CRACDL: variants seen among roughly 807,000 people sequenced by gnomAD.
CRACDL encodes the protein CRACD-like protein.
CRACDL carries 26 observed loss-of-function variants against 70.6 expected under a neutral mutation model. The observed-to-expected ratio is 0.37, with a 90% CI of 0.27 to 0.51. The LOEUF is 0.51. Ranked by LOEUF, CRACDL falls within the 20% of genes least tolerant of loss-of-function variation. CRACDL has a pLI of 0.94. For missense variants in CRACDL, 1,283 were observed against 1,376.9 expected (o/e 0.93, Z 1.08); for synonymous variants, 618 against 615.2 (o/e 1.00, Z -0.07).
chr2:98,799,421 C>T (rs1172282830), intron 7 of CRACDL, among the ~76,000 whole-genome samples: 1 of 152,102 alleles, frequency 6.6e-6, no homozygotes, highest in Non-Finnish European at 1.5e-5. Flanking sequence ...ACAGCCAGGA[C>T]CTCCCCTGGC....
At position 98,822,541 on chromosome 2, in the gene CRACDL, A is replaced by C. The variant is rs946817623; in HGVS notation, c.1732T>G (p.Ser578Ala). The C allele has an allele frequency of 1.4e-6, 2 of 1,466,862 alleles. No homozygotes were observed. The highest frequency in any genetic ancestry group is 1.8e-6 in the Non-Finnish European group (2 of 1,117,160). 90.9% of individuals were successfully genotyped at this position (1,466,862 alleles called of 1,614,324 possible). Reference protein sequence around the residue: ...LRGAKKFSVSSCRARPRPGVS... With the variant: ...LRGAKKFSVSACRARPRPGVS... The stretch of plus-strand genomic sequence containing the variant: ...CCCGGACGAGGCCGCGCTCGGCACG[A>C]GGACACCGAGAACTTCTTCGCGCCT... Residue 578 changes from serine (S) to alanine (A), a missense_variant, in exon 7 of 10, where the codon TCG becomes GCG. By Grantham distance (99) the Ser-to-Ala change is moderately conservative. This residue lies in a region of CRACDL where 921 missense variants were observed against 881.9 expected (regional missense o/e 1.04). Coordinates refer to ENST00000397899, the MANE Select transcript of CRACDL (RefSeq NM_207362.3). The surrounding 1 kb of genome is among the most constrained non-coding windows in gnomAD (Gnocchi z 4.9).
chr2:98,825,039 T>G (rs1319149608), intron 6 of CRACDL, among the ~76,000 whole-genome samples: 7 of 152,206 alleles, frequency 4.6e-5, no homozygotes, highest in Non-Finnish European at 8.8e-5. Context: ...TGGCTGTTCT[T>G]TCCCATCCTG....
chr2:98,832,992 G>A lies in CRACDL; in HGVS notation c.245C>T (p.Ser82Leu), dbSNP rs61731202. 1.2e-6 allele frequency: 2 copies of A among 1,612,114 alleles called. No homozygotes were observed. The change falls in exon 4 of 10, where the codon TCG (serine) becomes TTG (leucine). Residue 82 changes from serine (S) to leucine (L), a missense_variant. Physicochemically the swap from Ser to Leu is moderately radical, Grantham distance 145. Around this residue, in one of 2 missense-constraint regions of CRACDL, gnomAD observed 362 missense variants for 495.0 expected, o/e 0.73. Coordinates refer to ENST00000397899, the MANE Select transcript of CRACDL (RefSeq NM_207362.3). ...GYDSEDELEE[S>L]RGTLGSRALS... The stretch of plus-strand genomic sequence containing the variant: ...GGCCCGGCTGCCCAGCGTGCCCCTC[G>A]ACTCCCTAGGATAAAAGAGCCACTG...
intron 1 of CRACDL, among the ~76,000 whole-genome samples, chr2:98,907,200 G>A (rs541189336): frequency 6.6e-6 from 1 of 152,334 alleles, no homozygotes; most frequent in East Asian, 1.9e-4. Flanking sequence ...GCTGAGGCAG[G>A]AGAATCGCTT....
chr2:98,835,007 A>G (rs1046202940), intron 3 of CRACDL, among the ~76,000 whole-genome samples: 1 of 152,232 alleles, frequency 6.6e-6, no homozygotes, highest in Non-Finnish European at 1.5e-5. Flanking sequence ...TGTGCAGAAA[A>G]GTATTTATAA....
At chr2:98,797,281 G>A in intron 8 of CRACDL, 69 bp downstream of exon 8, 1 of 1,468,340 alleles carries the variant, frequency 6.8e-7, no homozygotes, top group Non-Finnish European at 9.4e-7. Flanking sequence ...TCCTTACAGG[G>A]TCCTCGCCCC....
intron 1 of CRACDL, among the ~76,000 whole-genome samples, chr2:98,882,158 G>A (rs1255093340): frequency 6.6e-6 from 1 of 152,212 alleles, no homozygotes; most frequent in Non-Finnish European, 1.5e-5. Flanking sequence ...AACTCAGCCG[G>A]GCGACTAAAG....
chr2:98,872,927 C>A (rs574017229), intron 1 of CRACDL, among the ~76,000 whole-genome samples: 8 of 152,222 alleles, frequency 5.3e-5, no homozygotes, highest in Admixed American at 5.2e-4. Context: ...TGCTTTTTCA[C>A]GCTTCCTAAG....
At chr2:98,801,100 T>C (rs1482681273) in intron 7 of CRACDL, among the ~76,000 whole-genome samples, 1 of 152,200 alleles carries the variant, frequency 6.6e-6, no homozygotes, top group South Asian at 2.1e-4. Context: ...TCTCTCCTTT[T>C]TGGTTCCTGC....
chr2:98,823,643 T>C lies in CRACDL; in HGVS notation c.736-106A>G. 1.4e-6 allele frequency: 2 copies of C among 1,401,760 alleles called. No homozygotes were observed. The highest frequency in any genetic ancestry group is 9.7e-7 in the Non-Finnish European group (1 of 1,029,112). 86.8% of individuals were successfully genotyped at this position (1,401,760 alleles called of 1,614,324 possible). A position where few individuals can be genotyped will look rare whatever the true frequency, so the allele number is the denominator to read the frequency against. ...TATAATGGTTTAGTGATAGCAGCAC[T>C]ATAAAGCTGGCACTTAAGTAGGCAT... On this transcript the variant is annotated intron_variant, in intron 6 of 9. Transcript: ENST00000397899. This position sits in a 1 kb window ranked among gnomAD's most constrained non-coding sequence, Gnocchi z 4.0.
In CRACDL at chr2:98,821,780, G is replaced by T. The variant is rs1705040066; in HGVS notation, c.2416+77C>A. On this transcript the variant is annotated intron_variant, in intron 7 of 9. Coordinates refer to ENST00000397899, the MANE Select transcript of CRACDL (RefSeq NM_207362.3). ...AAAGTTTGTACCAGGAGCATTTGGCGAGTGTCCAGCAAGATGTGCCCGTGG... is the reference window on the plus strand; with the variant it reads ...AAAGTTTGTACCAGGAGCATTTGGCTAGTGTCCAGCAAGATGTGCCCGTGG... 18 of 1,524,706 alleles carry T rather than the reference G, an allele frequency of 1.2e-5. No homozygotes were observed. In the South Asian group the frequency reaches 2.1e-4, roughly 18 times the overall value. The allele number at this position is 1,524,706 out of a possible 1,614,324, so 94.4% of individuals were successfully genotyped here.
intron 1 of CRACDL, among the ~76,000 whole-genome samples, chr2:98,863,307 C>T (rs995835584): frequency 4.6e-5 from 7 of 152,056 alleles, no homozygotes; most frequent in African/African-American, 1.7e-4. Context: ...CAAAAGTATC[C>T]TTGAAAAGTG....
At chr2:98,930,897 G>C (rs1292983626) in intron 1 of CRACDL, among the ~76,000 whole-genome samples, 1 of 152,138 alleles carries the variant, frequency 6.6e-6, no homozygotes, top group South Asian at 2.1e-4. Flanking sequence ...AATTTATGGA[G>C]CATTTTCTAT....
At chr2:98,931,549 T>C (rs909146075) in intron 1 of CRACDL, among the ~76,000 whole-genome samples, 3 of 152,144 alleles carry the variant, frequency 2.0e-5, no homozygotes, top group African/African-American at 7.2e-5. Context: ...GACTGGTGTA[T>C]GGACCTCAGA....
At position 98,796,146 on chromosome 2, in the gene CRACDL, C is replaced by G. The variant is rs1703809736; in HGVS notation, c.2723G>C (p.Gly908Ala). ...KLNFKEGLQR[G>A]ISLSHQNLAQ... The stretch of plus-strand genomic sequence containing the variant: ...CAAGTTCTGATGGGACAATGAGATT[C>G]CTCTTTGCAGCCCCTCCTTGAAGTT... The change falls in exon 9 of 10, where the codon GGA (glycine) becomes GCA (alanine). Residue 908 changes from glycine (G) to alanine (A), a missense_variant. Coordinates refer to ENST00000397899, the MANE Select transcript of CRACDL (RefSeq NM_207362.3). The G allele has an allele frequency of 6.2e-7, 1 of 1,614,076 alleles. No individual in the cohort carries two copies. The highest frequency in any genetic ancestry group is 1.1e-5 in the South Asian group (1 of 91,084).
At chr2:98,831,592 A>G (rs1003546258) in intron 5 of CRACDL, among the ~76,000 whole-genome samples, 1 of 152,242 alleles carries the variant, frequency 6.6e-6, no homozygotes, top group Non-Finnish European at 1.5e-5. Context: ...GCTTGTCTAC[A>G]TGGGAAGGAT....
chr2:98,865,807 T>G (rs1224204822), intron 1 of CRACDL, among the ~76,000 whole-genome samples: 7 of 151,464 alleles, frequency 4.6e-5, no homozygotes, highest in Non-Finnish European at 8.8e-5. Flanking sequence ...GCTTTTTTTT[T>G]TTTTTTTTTT....
chr2:98,906,703 C>A (rs1708426288), intron 1 of CRACDL, among the ~76,000 whole-genome samples: 1 of 152,154 alleles, frequency 6.6e-6, no homozygotes, highest in South Asian at 2.1e-4. Flanking sequence ...TATTTATCGA[C>A]CTTTTCTCTT....
chr2:98,867,356 C>CATAT (rs1707187637), intron 1 of CRACDL, among the ~76,000 whole-genome samples: 1 of 152,178 alleles, frequency 6.6e-6, no homozygotes, highest in East Asian at 1.9e-4. Flanking sequence ...TATATATGCA[C>CATAT]ACATGAGCCT....
Sources: gnomAD v4.1 joint callset for allele counts (sites outside exome capture counted in the v4.1 genomes callset) on GRCh38, gnomAD v4.1.1 for gene constraint, gnomAD v4.1.1 regional missense constraint, Gnocchi (gnomAD v3.1) non-coding constraint, MANE v1.5 for transcripts, NCBI Gene and HGNC (gene_info 2026-07-23, HGNC 2026-07-21) for gene names.